The following MFSD12 variants were observed in gnomAD, a reference collection of about 807,000 sequenced individuals.
MFSD12 encodes the protein major facilitator superfamily domain containing 12.
A neutral mutation model predicts 51.2 loss-of-function variants in MFSD12; 67 were observed. The observed-to-expected ratio is 1.31, with a 90% CI of 1.08 to 1.60. MFSD12 has a LOEUF of 1.60. Among genes scored for constraint, MFSD12 ranks in the 40% most tolerant of loss-of-function variants. MFSD12 has a pLI of 0.00. For missense variants in MFSD12, 921 were observed against 673.0 expected, an observed-to-expected ratio of 1.37 and a Z score of -4.08; for synonymous variants, 441 against 316.7, an observed-to-expected ratio of 1.39 and a Z score of -4.17.
chr19:3,543,670 C>A, downstream of MFSD12: 1 of 1,538,666 alleles, frequency 6.5e-7, no homozygotes, highest in Non-Finnish European at 8.8e-7. Flanking sequence ...CAATCCGGGG[C>A]AAGGAATACG....
intron 2 of MFSD12, among the ~76,000 whole-genome samples, chr19:3,549,273 C>T (rs561437231): frequency 5.9e-5 from 9 of 152,308 alleles, no homozygotes; most frequent in Admixed American, 5.2e-4. Flanking sequence ...GAGAGGCCTG[C>T]CCATCCCATC....
At chr19:3,548,294 A>G in intron 2 of MFSD12, 27 bp from the exon 3 acceptor site, 2 of 1,543,820 alleles carry the variant, frequency 1.3e-6, no homozygotes, top group East Asian at 2.4e-5. Context: ...CAGGGACTCA[A>G]CAAGACGCCA....
chr19:3,544,522 G>A lies in MFSD12; in HGVS notation c.*188C>T, dbSNP rs2030773535. On this transcript the variant is annotated 3_prime_UTR_variant, in exon 10 of 10. Coordinates refer to ENST00000355415, the MANE Select transcript of MFSD12 (RefSeq NM_174983.5). ...ATGGGACACCCTCAAAACCCAGGGG[G>A]TCCTTGCAAGTCCCTGGCGGGCATC... 7 of 1,405,736 alleles carry A rather than the reference G, an allele frequency of 5.0e-6. No homozygotes were observed. The highest frequency in any genetic ancestry group is 6.5e-6 in the Non-Finnish European group (7 of 1,082,462). 87.1% of individuals were successfully genotyped at this position (1,405,736 alleles called of 1,614,324 possible).
Position 3,544,797 on chromosome 19 carries a change from G to A in MFSD12, c.1420+12C>T. 2 of 579,690 alleles carry A rather than the reference G, an allele frequency of 3.5e-6. No homozygotes were observed. Among genetic ancestry groups the A allele is most frequent in the Non-Finnish European group, 6.6e-6 (2 of 302,290 alleles). The allele number at this position is 579,690 out of a possible 1,614,324, so 35.9% of individuals were successfully genotyped here. On this transcript the variant is annotated intron_variant, in intron 9 of 9. Coordinates refer to ENST00000355415, the MANE Select transcript of MFSD12 (RefSeq NM_174983.5). ...TCAGTGTCTGGGGAGGGAGGGGTGG[G>A]CCAGGACTCACAGCGTCGCAGGCGG...
chr19:3,555,941 C>A (rs1454497036), intron 1 of MFSD12, among the ~76,000 whole-genome samples: 1 of 152,196 alleles, frequency 6.6e-6, no homozygotes, highest in Non-Finnish European at 1.5e-5. Flanking sequence ...GCAGTCTTAT[C>A]GATGGGCACT....
In MFSD12 at chr19:3,546,277, G is replaced by C; in HGVS notation, c.1172C>G (p.Ala391Gly). ...TACCGTGTGGGGACCGATGAGGTCGGCCGTCATGGCCAGCGAGGTGACGAG... is the reference window on the plus strand; with the variant it reads ...TACCGTGTGGGGACCGATGAGGTCGCCCGTCATGGCCAGCGAGGTGACGAG... ...TILVTSLAMT[A>G]DLIGPHTNSG... The change falls in exon 7 of 10, where the codon GCC becomes GGC. Residue 391 changes from alanine (A) to glycine (G), a missense_variant. By Grantham distance (60) the Ala-to-Gly change is moderately conservative. Coordinates refer to ENST00000355415, the MANE Select transcript of MFSD12 (RefSeq NM_174983.5). 1 of 1,610,598 alleles carries C rather than the reference G, an allele frequency of 6.2e-7. No homozygotes were observed. Among genetic ancestry groups the C allele is most frequent in the Non-Finnish European group, 8.5e-7 (1 of 1,179,122 alleles).
chr19:3,539,282 A>G (rs893722468), downstream of MFSD12: 14 of 1,373,056 alleles, frequency 1.0e-5, no homozygotes, highest in Non-Finnish European at 1.4e-5. Context: ...CCTACAGGTG[A>G]GCCCCTCCCA....
chr19:3,538,618 C>T, exon 5 of MFSD12: 1 of 434,804 alleles, frequency 2.3e-6, no homozygotes, highest in South Asian at 1.7e-5. Flanking sequence ...CAGAGCTTCG[C>T]ACCTCCTTGT....
intron 8 of MFSD12, among the ~76,000 whole-genome samples, chr19:3,545,320 CTG>C (rs958135360): frequency 7.9e-5 from 12 of 152,318 alleles, no homozygotes; most frequent in African/African-American, 2.9e-4. Context: ...CCACAGCTCT[CTG>C]TGAGTCCCAC....
rs747733532 is a variant in MFSD12 at position 3,546,465 on chromosome 19, T to TGC, written c.1024-42_1024-41dup. ...CCGGGGTCAGGCCCACACCACTGGGTGCCCCCAAGCCTGGCGCTTCAATCC... is the reference window on the plus strand; with the variant it reads ...CCGGGGTCAGGCCCACACCACTGGGTGCGCCCCCAAGCCTGGCGCTTCAATCC... On this transcript the variant is annotated intron_variant, in intron 6 of 9. Transcript: ENST00000355415. The TGC allele has an allele frequency of 3.2e-6, 5 of 1,567,960 alleles. No individual in the cohort carries two copies. In the South Asian group the frequency reaches 5.8e-5, roughly 18 times the overall value.
In MFSD12 at chr19:3,547,579, G is replaced by T. The variant is rs759928187; in HGVS notation, c.838-32C>A. On this transcript the variant is annotated intron_variant, in intron 4 of 9. Transcript: ENST00000355415. ...GCAGACCGACAGAGGGACTGGCAGG[G>T]GTCAGGAGGGCCTTCTCCACTCCCA... The T allele has an allele frequency of 1.6e-5, 25 of 1,570,038 alleles. 1 individual carries two copies. In the South Asian group the frequency reaches 2.9e-4, roughly 18 times the overall value.
chr19:3,547,579 G>A (rs759928187), intron 4 of MFSD12, 32 bp from the exon 5 acceptor site: 6 of 1,570,040 alleles, frequency 3.8e-6, no homozygotes, highest in African/African-American at 1.4e-5. Flanking sequence ...GACTGGCAGG[G>A]GTCAGGAGGG....
At position 3,544,221 on chromosome 19, in the gene MFSD12, G is replaced by C; in HGVS notation, c.*489C>G. ...GGCTGCCGTCATCTCTTTATTTGCT[G>C]CCAGCAGAGTCCACCAAGCCTGCCG... is the stretch of plus-strand genomic sequence containing the variant. On this transcript the variant is annotated 3_prime_UTR_variant, in exon 10 of 10. Coordinates refer to ENST00000355415, the MANE Select transcript of MFSD12 (RefSeq NM_174983.5). 1 of 1,335,768 alleles carries C rather than the reference G, an allele frequency of 7.5e-7. No individual in the cohort carries two copies. The highest frequency in any genetic ancestry group is 9.6e-7 in the Non-Finnish European group (1 of 1,044,840). 82.7% of individuals were successfully genotyped at this position (1,335,768 alleles called of 1,614,324 possible).
downstream of MFSD12, chr19:3,539,315 G>A: frequency 1.2e-6 from 1 of 869,312 alleles, no homozygotes; most frequent in South Asian, 1.7e-5. Context: ...CTCCCTCCCT[G>A]GGTGTCAGGT....
Position 3,547,481 on chromosome 19 carries a change from G to C in MFSD12, c.904C>G (p.Leu302Val), listed in dbSNP as rs375807661. The change falls in exon 5 of 10, where the codon CTC (leucine) becomes GTC (valine). Residue 302 changes from leucine to valine, a missense_variant. Leu to Val is a conservative substitution (Grantham distance 32). Transcript: ENST00000355415. ...NLSQTYMAMY[L>V]TYSLHLPKKF... is the part of the protein sequence containing the mutation. ...TTGGGCAGGTGGAGCGAGTAGGTGA[G>C]GTACATGGCCATGTAGGTCTGGGAC... The C allele has an allele frequency of 7.4e-6, 12 of 1,613,052 alleles. No homozygotes were observed. The African/African-American group carries it at 1.6e-4, about 22-fold the overall frequency.
At position 3,546,433 on chromosome 19, in the gene MFSD12, G is replaced by T. The variant is rs767268045; in HGVS notation, c.1024-8C>A. 25 of 1,599,588 alleles carry T rather than the reference G, an allele frequency of 1.6e-5. No homozygotes were observed. The highest frequency in any genetic ancestry group is 2.0e-5 in the Non-Finnish European group (24 of 1,173,980). Reference sequence around the variant, plus strand: ...GCCTGAGAAGTAGGTCATCTGCAGGGACAGCCCCGGGGTCAGGCCCACACC... The same window carrying T: ...GCCTGAGAAGTAGGTCATCTGCAGGTACAGCCCCGGGGTCAGGCCCACACC... On this transcript the variant is annotated splice_region_variant and splice_polypyrimidine_tract_variant and intron_variant, in intron 6 of 9. Transcript: ENST00000355415.
At chr19:3,542,288 G>GGAGTC, downstream of MFSD12, 1 of 985,350 alleles carries the variant, frequency 1.0e-6, no homozygotes, top group Non-Finnish European at 1.2e-6. Context: ...TGGGCACCTG[G>GGAGTC]GAGTCTAGTC....
chr19:3,539,160 CG>C, intron 4 of MFSD12: 1 of 1,540,720 alleles, frequency 6.5e-7, no homozygotes, highest in Non-Finnish European at 8.8e-7. Flanking sequence ...GGCAGGAGCC[CG>C]GGGGATCCAG....
chr19:3,547,482 G>C lies in MFSD12; in HGVS notation c.903C>G (p.Tyr301Ter). 6.2e-7 allele frequency: 1 copy of C among 1,613,172 alleles called. No individual in the cohort carries two copies. ...VNLSQTYMAM[Y>*]LTYSLHLPKK... ...TGGGCAGGTGGAGCGAGTAGGTGAG[G>C]TACATGGCCATGTAGGTCTGGGACA... The change falls in exon 5 of 10, where the codon TAC becomes TAG. Residue 301 changes from tyrosine to a stop codon, truncating the protein, a stop_gained. Coordinates refer to ENST00000355415, the MANE Select transcript of MFSD12 (RefSeq NM_174983.5). LOFTEE classifies it high-confidence loss of function.
Sources: allele counts gnomAD v4.1 joint callset (sites outside exome capture counted in the v4.1 genomes callset), GRCh38; gene constraint gnomAD v4.1.1; transcripts MANE v1.5; gene names NCBI Gene and HGNC (gene_info 2026-07-23, HGNC 2026-07-21).